The following XIRP1 variants were observed in gnomAD, a reference collection of about 807,000 sequenced individuals.
XIRP1 encodes xin actin binding repeat containing 1.
For missense variants in XIRP1, 2,378 were observed against 2,345.4 expected, an observed-to-expected ratio of 1.01 and a Z score of -0.29; for synonymous variants, 984 against 947.0, an observed-to-expected ratio of 1.04 and a Z score of -0.72.
Position 39,183,827 on chromosome 3 carries a change from C to G in XIRP1, c.*87G>C. 1 of 1,480,932 alleles carries G rather than the reference C, an allele frequency of 6.8e-7. No homozygotes were observed. The highest frequency in any genetic ancestry group is 8.9e-7 in the Non-Finnish European group (1 of 1,117,966). 91.7% of individuals were successfully genotyped at this position (1,480,932 alleles called of 1,614,324 possible). On this transcript the variant is annotated 3_prime_UTR_variant, in exon 2 of 2. Transcript: ENST00000340369. ...ATGCCATTTCCTCTTGGTCCTTGCT[C>G]CAGTGTACAGGAGGCAGGTACCCAC...
In XIRP1 at chr3:39,185,351, C is replaced by G. The variant is rs754828207; in HGVS notation, c.4095G>C (p.Glu1365Asp). The change falls in exon 2 of 2, where the codon GAG (glutamate) becomes GAC (aspartate). Residue 1365 changes from glutamate to aspartate, a missense_variant. Transcript: ENST00000340369. ...CTGGCTGAGGGATGGCTGTATCTCT[C>G]TCACCTCGTTGGTGTTCTCTTTGCC... ...EVGQREHQRGERDTAIPQPAK... is the reference protein window; with the variant it reads ...EVGQREHQRGDRDTAIPQPAK... 3.1e-6 allele frequency: 5 copies of G among 1,614,182 alleles called. No individual in the cohort carries two copies. The South Asian group carries it at 4.4e-5, about 14-fold the overall frequency.
Position 39,186,411 on chromosome 3 carries a change from G to C in XIRP1, c.3035C>G (p.Ala1012Gly). The C allele has an allele frequency of 3.1e-6, 5 of 1,614,186 alleles. No individual in the cohort carries two copies. Among genetic ancestry groups the C allele is most frequent in the Non-Finnish European group, 4.2e-6 (5 of 1,180,036 alleles). Residue 1012 changes from alanine (A) to glycine (G), a missense_variant, in exon 2 of 2, where the codon GCC (alanine) becomes GGC (glycine). Transcript: ENST00000340369. The stretch of plus-strand genomic sequence containing the variant: ...CTGCTTTTCTGTGTTTTGCAATTGG[G>C]CTGGTGCTGCAGCTTCCCCAGCCAG... ...VPLAGEAAAP[A>G]QLQNTEKQED...
chr3:39,186,430 C>T lies in XIRP1; in HGVS notation c.3016G>A (p.Gly1006Arg), dbSNP rs370002152. Reference sequence around the variant, plus strand: ...AATTGGGCTGGTGCTGCAGCTTCCCCAGCCAGAGGGACTGCCTTTCCAATG... The same window carrying T: ...AATTGGGCTGGTGCTGCAGCTTCCCTAGCCAGAGGGACTGCCTTTCCAATG... ...QAIGKAVPLAGEAAAPAQLQN... is the reference protein window; with the variant it reads ...QAIGKAVPLAREAAAPAQLQN... Residue 1006 changes from glycine (G) to arginine (R), a missense_variant, in exon 2 of 2, where the codon GGG (glycine) becomes AGG (arginine). Coordinates refer to ENST00000340369, the MANE Select transcript of XIRP1 (RefSeq NM_194293.4). 1.9e-6 allele frequency: 3 copies of T among 1,614,078 alleles called. No homozygotes were observed. The highest frequency in any genetic ancestry group is 2.5e-6 in the Non-Finnish European group (3 of 1,180,034).
rs201274945 is a variant in XIRP1, at chr3:39,186,571, C to T, written c.2875G>A (p.Glu959Lys). The T allele has an allele frequency of 9.6e-5, 155 of 1,611,068 alleles. No individual in the cohort carries two copies. Among genetic ancestry groups the T allele is most frequent in the Middle Eastern group, 6.6e-4 (4 of 6,056 alleles). Residue 959 changes from glutamate (E) to lysine (K), a missense_variant, in exon 2 of 2, where the codon GAG (glutamate) becomes AAG (lysine). Transcript: ENST00000340369. ...GTTGGGTGCAGGCTCTGGGCCCCCT[C>T]GCTGGCTGGCACTGGACTCGGGTCA... ...PADPSPVPAS[E>K]GAQSLHPTES...
At position 39,185,953 on chromosome 3, in the gene XIRP1, G is replaced by A. The variant is rs1244793332; in HGVS notation, c.3493C>T (p.Gln1165Ter). Residue 1165 changes from glutamine to a stop codon, truncating the protein, a stop_gained, in exon 2 of 2, where the codon CAG becomes TAG. Transcript: ENST00000340369. LOFTEE classifies it low-confidence loss of function (END_TRUNC). ...GGVQLSQREP[Q>*]SRHRETALSV... is the part of the protein sequence containing the mutation. ...AGGGCAGTCTCCCTGTGCCTTGACT[G>A]GGGTTCCCTCTGAGAAAGCTGGACA... The A allele has an allele frequency of 6.2e-7, 1 of 1,613,930 alleles. No homozygotes were observed. Among genetic ancestry groups the A allele is most frequent in the African/African-American group, 1.3e-5 (1 of 74,910 alleles).
Position 39,185,199 on chromosome 3 carries a change from G to A in XIRP1, c.4247C>T (p.Thr1416Ile). ...TAPRPTKNQA[T>I]GSNAQSSEPP... ...CTCAGAGCTCTGGGCATTGCTGCCT[G>A]TAGCCTGATTCTTGGTGGGCCTGGG... The change falls in exon 2 of 2, where the codon ACA becomes ATA. Residue 1416 changes from threonine to isoleucine, a missense_variant. Coordinates refer to ENST00000340369, the MANE Select transcript of XIRP1 (RefSeq NM_194293.4). The A allele has an allele frequency of 1.2e-6, 2 of 1,613,714 alleles. No individual in the cohort carries two copies. The highest frequency in any genetic ancestry group is 1.7e-6 in the Non-Finnish European group (2 of 1,179,724).
intron 1 of XIRP1, among the ~76,000 whole-genome samples, chr3:39,192,225 C>A (rs1001992425): frequency 6.6e-6 from 1 of 152,256 alleles, no homozygotes; most frequent in African/African-American, 2.4e-5. Context: ...AGCTTCAGGC[C>A]TGTGGCAGCC....
In XIRP1 at chr3:39,184,138, C is replaced by A; in HGVS notation, c.5308G>T (p.Glu1770Ter). 1.2e-6 allele frequency: 2 copies of A among 1,611,794 alleles called. No homozygotes were observed. The highest frequency in any genetic ancestry group is 1.1e-5 in the South Asian group (1 of 90,724). The change falls in exon 2 of 2, where the codon GAA becomes TAA. Residue 1770 changes from glutamate (E) to a stop codon, truncating the protein, a stop_gained. Coordinates refer to ENST00000340369, the MANE Select transcript of XIRP1 (RefSeq NM_194293.4). LOFTEE classifies it low-confidence loss of function (END_TRUNC). ...QHYGAMRTVT[E>*]QYEEVDQFGN... ...AACTGGTCCACCTCCTCATACTGTT[C>A]AGTCACGGTTCTCATGGCTCCATAG...
rs1447667800 is a variant in XIRP1, at chr3:39,187,073, G to A, written c.2373C>T (p.Leu791=). The A allele has an allele frequency of 1.2e-6, 2 of 1,613,288 alleles. No individual in the cohort carries two copies. The highest frequency in any genetic ancestry group is 1.7e-6 in the Non-Finnish European group (2 of 1,179,322). The change falls in exon 2 of 2, where the codon CTC becomes CTT. Residue 791 remains leucine (L), a synonymous_variant. Coordinates refer to ENST00000340369, the MANE Select transcript of XIRP1 (RefSeq NM_194293.4). ...GCTCCCCTGGCCCTCGGGCCTCCATGAGGATGCCTCCATGGTGCAGGATGC... is the reference window on the plus strand; with the variant it reads ...GCTCCCCTGGCCCTCGGGCCTCCATAAGGATGCCTCCATGGTGCAGGATGC... The part of the protein sequence containing the change: ...TPGILHHGGI[L]MEARGPGELC...
chr3:39,187,988 C>G lies in XIRP1; in HGVS notation c.1458G>C (p.Met486Ile). The G allele has an allele frequency of 6.2e-7, 1 of 1,614,220 alleles. No individual in the cohort carries two copies. The highest frequency in any genetic ancestry group is 8.5e-7 in the Non-Finnish European group (1 of 1,180,038). The change falls in exon 2 of 2, where the codon ATG becomes ATC. Residue 486 changes from methionine to isoleucine, a missense_variant. Physicochemically the swap from Met to Ile is conservative, Grantham distance 10. Coordinates refer to ENST00000340369, the MANE Select transcript of XIRP1 (RefSeq NM_194293.4). Reference protein sequence around the residue: ...AQGIGSPVYAMQDSKGRLHAL... With the variant: ...AQGIGSPVYAIQDSKGRLHAL... ...CATGGAGGCGGCCCTTGCTGTCCTG[C>G]ATGGCATACACTGGGGACCCTATGC...
At chr3:39,191,295 T>C (rs1488779245) in intron 1 of XIRP1, among the ~76,000 whole-genome samples, 1 of 152,090 alleles carries the variant, frequency 6.6e-6, no homozygotes. Flanking sequence ...TCTCCACCTC[T>C]ACTCCATCCT....
Position 39,188,672 on chromosome 3 carries a change from C to A in XIRP1, c.774G>T (p.Arg258=). Residue 258 remains arginine, a synonymous_variant, in exon 2 of 2, where the codon CGG becomes CGT. Coordinates refer to ENST00000340369, the MANE Select transcript of XIRP1 (RefSeq NM_194293.4). ...TCACCGCGTTGCTTTGGATCTCCTC[C>A]CGGCATGCGGCCTTGACCTCATGGA... is the stretch of plus-strand genomic sequence containing the variant. ...GAIHEVKAAC[R]EEIQSNAVRS... The A allele has an allele frequency of 6.2e-7, 1 of 1,613,466 alleles. No individual in the cohort carries two copies. Among genetic ancestry groups the A allele is most frequent in the East Asian group, 2.2e-5 (1 of 44,878 alleles).
At position 39,188,632 on chromosome 3, in the gene XIRP1, G is replaced by A; in HGVS notation, c.814C>T (p.Leu272Phe). 6.2e-7 allele frequency: 1 copy of A among 1,613,486 alleles called. No homozygotes were observed. The highest frequency in any genetic ancestry group is 1.1e-5 in the South Asian group (1 of 91,090). The stretch of plus-strand genomic sequence containing the variant: ...GCGTCCAGAGGCCGGGTCTCAAAGA[G>A]CCAGCGGGCAGACCTCACCGCGTTG... ...QSNAVRSARW[L>F]FETRPLDAIN... is the part of the protein sequence containing the mutation. The change falls in exon 2 of 2, where the codon CTC (leucine) becomes TTC (phenylalanine). Residue 272 changes from leucine (L) to phenylalanine (F), a missense_variant. Physicochemically the swap from Leu to Phe is conservative, Grantham distance 22. Transcript: ENST00000340369.
At position 39,189,106 on chromosome 3, in the gene XIRP1, C is replaced by G; in HGVS notation, c.340G>C (p.Ala114Pro). The change falls in exon 2 of 2, where the codon GCC becomes CCC. Residue 114 changes from alanine to proline, a missense_variant. By Grantham distance (27) the Ala-to-Pro change is conservative. Coordinates refer to ENST00000340369, the MANE Select transcript of XIRP1 (RefSeq NM_194293.4). ...TCACCACACAGCACGGGCTCCTTGG[C>G]AGCTGGCCTCTCGTGTTCTCCAATG... is the stretch of plus-strand genomic sequence containing the variant. The part of the protein sequence containing the change: ...DAIGEHERPA[A>P]KEPVLCGDVQ... The G allele has an allele frequency of 6.2e-7, 1 of 1,614,184 alleles. No individual in the cohort carries two copies. The highest frequency in any genetic ancestry group is 8.5e-7 in the Non-Finnish European group (1 of 1,180,046).
Position 39,187,628 on chromosome 3 carries a change from C to T in XIRP1, c.1818G>A (p.Leu606=), listed in dbSNP as rs2040006667. The T allele has an allele frequency of 6.2e-7, 1 of 1,614,112 alleles. No individual in the cohort carries two copies. Among genetic ancestry groups the T allele is most frequent in the East Asian group, 2.2e-5 (1 of 44,882 alleles). ...TGACCTCTGACCCCTGCTTTTCGGC[C>T]AACTCACTCATTGGGCAAGTCTCGA... is the stretch of plus-strand genomic sequence containing the variant. ...WLFETCPMSE[L]AEKQGSEVTD... is the part of the protein sequence containing the mutation. The change falls in exon 2 of 2, where the codon TTG becomes TTA. Residue 606 remains leucine (L), a synonymous_variant. Coordinates refer to ENST00000340369, the MANE Select transcript of XIRP1 (RefSeq NM_194293.4).
chr3:39,185,438 G>T lies in XIRP1; in HGVS notation c.4008C>A (p.Ser1336Arg). 2 of 1,608,664 alleles carry T rather than the reference G, an allele frequency of 1.2e-6. No homozygotes were observed. Among genetic ancestry groups the T allele is most frequent in the Non-Finnish European group, 1.7e-6 (2 of 1,176,964 alleles). Reference sequence around the variant, plus strand: ...GCTTGGGCAGCCTCTGAGGAGGGTGGCTCTGGGTTAGGTGTGCAGGTTTAG... The same window carrying T: ...GCTTGGGCAGCCTCTGAGGAGGGTGTCTCTGGGTTAGGTGTGCAGGTTTAG... Reference protein sequence around the residue: ...LPPKPAHLTQSHPPQRLPKPL... With the variant: ...LPPKPAHLTQRHPPQRLPKPL... Residue 1336 changes from serine (S) to arginine (R), a missense_variant, in exon 2 of 2, where the codon AGC becomes AGA. Physicochemically the swap from Ser to Arg is moderately radical, Grantham distance 110 (BLOSUM62 -1). Coordinates refer to ENST00000340369, the MANE Select transcript of XIRP1 (RefSeq NM_194293.4).
Position 39,184,307 on chromosome 3 carries a change from T to C in XIRP1, c.5139A>G (p.Lys1713=). ...QDIGQALLHQ[K]GVQDKTGKKD... ...TCTTCCCAGTTTTGTCTTGGACACC[T>C]TTCTGGTGGAGCAGGGCCTGGCCTA... is the stretch of plus-strand genomic sequence containing the variant. The change falls in exon 2 of 2, where the codon AAA becomes AAG. Residue 1713 remains lysine, a synonymous_variant. Transcript: ENST00000340369. 1 of 1,614,204 alleles carries C rather than the reference T, an allele frequency of 6.2e-7. No individual in the cohort carries two copies. Among genetic ancestry groups the C allele is most frequent in the Non-Finnish European group, 8.5e-7 (1 of 1,180,036 alleles).
rs528630860 is a variant in XIRP1, at chr3:39,188,825, G to A, written c.621C>T (p.Pro207=). 1.4e-5 allele frequency: 22 copies of A among 1,613,112 alleles called. No individual in the cohort carries two copies. In the East Asian group the frequency reaches 3.8e-4, roughly 28 times the overall value. The change falls in exon 2 of 2, where the codon CCC becomes CCT. Residue 207 remains proline, a synonymous_variant. Transcript: ENST00000340369. ...CCAAGGGGCTCTGCTCCTGCAGGGA[G>A]GGGCGGGAGCCCAGGCGGTCCAGCG... ...TRPLDRLGSR[P]SLQEQSPLEL... is the part of the protein sequence containing the mutation.
Position 39,188,475 on chromosome 3 carries a change from AC to A in XIRP1, c.970del (p.Val324Ter). Reference protein sequence around the residue: ...QPLDAIREILVDEKDFQPSPD... With the variant: ...QPLDAIREILXDEKDFQPSPD... ...GGATGGCTGGAAGTCCTTCTCATCT[AC>A]CAAGATCTCCCGGATGGCATCCAGG... On this transcript the variant is annotated frameshift_variant, in exon 2 of 2. Transcript: ENST00000340369. LOFTEE classifies it low-confidence loss of function (END_TRUNC). 6.2e-7 allele frequency: 1 copy of A among 1,602,022 alleles called. No homozygotes were observed.
Sources: gnomAD v4.1 joint callset for allele counts (sites outside exome capture counted in the v4.1 genomes callset) on GRCh38, gnomAD v4.1.1 for gene constraint, MANE v1.5 for transcripts, NCBI Gene and HGNC (gene_info 2026-07-23, HGNC 2026-07-21) for gene names.